The following FARSB variants were observed in gnomAD, a reference collection of about 807,000 sequenced individuals.
The protein encoded by FARSB is phenylalanine--tRNA ligase beta subunit.
Under a neutral mutation model 69.6 loss-of-function variants are expected in FARSB, and 40 were observed. That is an observed-to-expected ratio of 0.57 (90% CI 0.45 to 0.75). The LOEUF is 0.75. Among genes scored for constraint, FARSB ranks in the 30% least tolerant of loss-of-function variants. The pLI is 0.00. For missense variants in FARSB, 632 were observed against 722.9 expected, an observed-to-expected ratio of 0.87 and a Z score of 1.44; for synonymous variants, 235 against 247.2, an observed-to-expected ratio of 0.95 and a Z score of 0.46.
rs145210484 is a variant in FARSB, at chr2:222,631,265, T to C, written c.786+339A>G. Among the ~76,000 whole-genome samples, 221 of 152,256 alleles carry C rather than the reference T, an allele frequency of 1.5e-3. 1 individual carries two copies. Among genetic ancestry groups the C allele is most frequent in the Admixed American group, 0.013 (193 of 15,294 alleles). On this transcript the variant is annotated intron_variant, in intron 8 of 16. Coordinates refer to ENST00000281828, the MANE Select transcript of FARSB (RefSeq NM_005687.5). Reference sequence around the variant, plus strand: ...AATTAAGTCAACTAGATAAACAATTTATATGGATTTCGCTATAGTACTCAT... The same window carrying C: ...AATTAAGTCAACTAGATAAACAATTCATATGGATTTCGCTATAGTACTCAT...
At chr2:222,595,921 C>CATATATATATAT (rs143991245) in intron 16 of FARSB, among the ~76,000 whole-genome samples, 2 of 149,188 alleles carry the variant, frequency 1.3e-5, no homozygotes, top group African/African-American at 2.5e-5. Context: ...AAAGAAAAAG[C>CATATATATATAT]ATATATATAT....
rs374331247 is a variant in FARSB at position 222,590,085 on chromosome 2, A to G, written c.1618+9843T>C. Among the ~76,000 whole-genome samples the G allele has an allele frequency of 1.0e-2, 1,516 of 152,290 alleles. 26 individuals carry two copies. The highest frequency in any genetic ancestry group is 0.032 in the African/African-American group (1,330 of 41,552). Reference sequence around the variant, plus strand: ...GCACACGTATGTTTATTGCGGCACTATTCACAATAGCAAAGACTTGGAACC... The same window carrying G: ...GCACACGTATGTTTATTGCGGCACTGTTCACAATAGCAAAGACTTGGAACC... On this transcript the variant is annotated intron_variant, in intron 16 of 16. Coordinates refer to ENST00000281828, the MANE Select transcript of FARSB (RefSeq NM_005687.5).
At position 222,616,454 on chromosome 2, in the gene FARSB, G is replaced by C. The variant is rs182184312; in HGVS notation, c.1345-2526C>G. On this transcript the variant is annotated intron_variant, in intron 14 of 16. Transcript: ENST00000281828. Reference sequence around the variant, plus strand: ...CCCAGCTACTCGGGAGGCTGAGGCAGGAGAATTGCTTGAACCCAGAAGGCG... The same window carrying C: ...CCCAGCTACTCGGGAGGCTGAGGCACGAGAATTGCTTGAACCCAGAAGGCG... 5.6e-3 allele frequency among the ~76,000 whole-genome samples: 837 copies of C among 149,182 alleles called. 10 individuals are homozygous for C. The highest frequency in any genetic ancestry group is 0.02 in the African/African-American group (784 of 40,112).
At chr2:222,618,647 C>G (rs1048614812) in intron 14 of FARSB, among the ~76,000 whole-genome samples, 4 of 152,206 alleles carry the variant, frequency 2.6e-5, no homozygotes, top group Non-Finnish European at 5.9e-5. Context: ...ACACAAATCA[C>G]TTAATACTCA....
rs1485880629 is a variant in FARSB, at chr2:222,631,628, T to C, written c.762A>G (p.Glu254=). Reference sequence around the variant, plus strand: ...CCTTAGTAAAGTCAGTTCCCGTGCATTCAATAAAAATATTTCTAGTATTTA... The same window carrying C: ...CCTTAGTAAAGTCAGTTCCCGTGCACTCAATAAAAATATTTCTAGTATTTA... The part of the protein sequence containing the change: ...ITVNTRNIFI[E]CTGTDFTKAK... Residue 254 remains glutamate, a synonymous_variant, in exon 8 of 17, where the codon GAA becomes GAG. Coordinates refer to ENST00000281828, the MANE Select transcript of FARSB (RefSeq NM_005687.5). 1.3e-6 allele frequency: 2 copies of C among 1,566,784 alleles called. No individual in the cohort carries two copies. Among genetic ancestry groups the C allele is most frequent in the Non-Finnish European group, 8.8e-7 (1 of 1,137,352 alleles).
chr2:222,637,861 T>C (rs1184687603), intron 5 of FARSB, among the ~76,000 whole-genome samples: 1 of 152,124 alleles, frequency 6.6e-6, no homozygotes, highest in Non-Finnish European at 1.5e-5. Context: ...CTCATGCTTG[T>C]AGTCCCAGCT....
intron 16 of FARSB, among the ~76,000 whole-genome samples, chr2:222,592,366 T>G (rs1690296862): frequency 6.6e-6 from 1 of 152,124 alleles, no homozygotes; most frequent in Non-Finnish European, 1.5e-5. Context: ...CGTTGACAGT[T>G]TATCAGAATA....
chr2:222,605,411 G>A (rs1690679935), intron 15 of FARSB, among the ~76,000 whole-genome samples: 1 of 152,216 alleles, frequency 6.6e-6, no homozygotes, highest in South Asian at 2.1e-4. Context: ...GAGCCCAACA[G>A]TAATACTACC....
chr2:222,634,439 T>C lies in FARSB; in HGVS notation c.558A>G (p.Leu186=), dbSNP rs745662863. The C allele has an allele frequency of 1.9e-6, 3 of 1,611,800 alleles. No individual in the cohort carries two copies. Among genetic ancestry groups the C allele is most frequent in the Non-Finnish European group, 2.5e-6 (3 of 1,178,376 alleles). The change falls in exon 6 of 17, where the codon CTA becomes CTG. Residue 186 remains leucine, a synonymous_variant. Transcript: ENST00000281828. ...AGGCTGTATACTCCTTGGTCTTATT[T>C]AGAGGCTTGAATTTGATATCTGAAG... ...KRPSDIKFKP[L]NKTKEYTACE... is the part of the protein sequence containing the mutation.
chr2:222,652,707 G>A (rs1038553046), intron 1 of FARSB, among the ~76,000 whole-genome samples: 2 of 152,134 alleles, frequency 1.3e-5, no homozygotes, highest in Admixed American at 1.3e-4. Context: ...AGATGACTAC[G>A]GATCTGGCAA....
chr2:222,641,863 C>G (rs79583462), intron 3 of FARSB, among the ~76,000 whole-genome samples: 6,958 of 152,298 alleles, frequency 0.046, 524 homozygotes, highest in African/African-American at 0.16. Flanking sequence ...CACCTAAACC[C>G]TCACAATTTC....
chr2:222,634,619 C>A (rs1197215982), intron 5 of FARSB, 78 bp from the exon 6 acceptor site: 11 of 1,146,298 alleles, frequency 9.6e-6, no homozygotes, highest in Non-Finnish European at 1.3e-5. Context: ...TATTCTAAAG[C>A]CGAAATTCTA....
At chr2:222,626,243 CAAAAAAAAAA>C (rs36117232) in intron 10 of FARSB, among the ~76,000 whole-genome samples, 3 of 56,972 alleles carry the variant, frequency 5.3e-5, no homozygotes, top group Non-Finnish European at 1.0e-4. Context: ...GACTCCATCT[CAAAAAAAAAA>C]AAAAAAAAAA....
chr2:222,613,217 T>C (rs1177195985), intron 15 of FARSB, among the ~76,000 whole-genome samples: 2 of 152,248 alleles, frequency 1.3e-5, no homozygotes, highest in Non-Finnish European at 2.9e-5. Context: ...GAAAATTAAA[T>C]TTATAAAACA....
chr2:222,633,613 C>A (rs1691498140), intron 6 of FARSB, among the ~76,000 whole-genome samples: 1 of 138,656 alleles, frequency 7.2e-6, no homozygotes, highest in Non-Finnish European at 1.5e-5. Flanking sequence ...ACCCGGGAGG[C>A]AGAGGTTGCG....
At chr2:222,583,859 T>C (rs754929749) in intron 16 of FARSB, among the ~76,000 whole-genome samples, 1 of 152,158 alleles carries the variant, frequency 6.6e-6, no homozygotes, top group Non-Finnish European at 1.5e-5. Context: ...TCACCCCCTT[T>C]ACTCACTTTC....
chr2:222,625,259 T>C (rs997083568), intron 10 of FARSB, among the ~76,000 whole-genome samples: 1 of 152,158 alleles, frequency 6.6e-6, no homozygotes. Flanking sequence ...CAATGATGAA[T>C]TTGGTACTCA....
Position 222,585,488 on chromosome 2 carries a change from G to A in FARSB, c.1619-13466C>T, listed in dbSNP as rs115886019. ...CTCTTCCAAAGGAATGCAGCTCTTC[G>A]CCAGCAATGGAACAAGGCTGAACAG... On this transcript the variant is annotated intron_variant, in intron 16 of 16. Transcript: ENST00000281828. 8.0e-3 allele frequency among the ~76,000 whole-genome samples: 1,212 copies of A among 152,314 alleles called. 15 individuals are homozygous for A. Among genetic ancestry groups the A allele is most frequent in the African/African-American group, 0.028 (1,165 of 41,568 alleles).
chr2:222,614,700 G>C (rs1002553662), intron 14 of FARSB, among the ~76,000 whole-genome samples: 1 of 152,082 alleles, frequency 6.6e-6, no homozygotes, highest in Admixed American at 6.5e-5. Context: ...AAATTAGCTA[G>C]GTATGGATAC....
Sources: allele counts gnomAD v4.1 joint callset (sites outside exome capture counted in the v4.1 genomes callset), GRCh38; gene constraint gnomAD v4.1.1; transcripts MANE v1.5; gene names NCBI Gene and HGNC (gene_info 2026-07-23, HGNC 2026-07-21).